CSMD2: variants seen among roughly 807,000 people sequenced by gnomAD.
The protein encoded by CSMD2 is CUB and Sushi multiple domains 2.
CSMD2 carries 130 observed loss-of-function variants against 398.5 expected under a neutral mutation model. The observed-to-expected ratio is 0.33, with a 90% CI of 0.28 to 0.38. CSMD2 has a LOEUF of 0.38. Ranked by LOEUF, CSMD2 falls within the 10% of genes least tolerant of loss-of-function variation. The pLI is 1.00. For synonymous variants in CSMD2, 1,828 were observed against 1,908.5 expected (o/e 0.96, Z 1.10); for missense variants, 3,829 against 4,764.9 (o/e 0.80, Z 5.78).
chr1:34,117,144 G>T (rs914783888), intron 1 of CSMD2, among the ~76,000 whole-genome samples: 1 of 151,818 alleles, frequency 6.6e-6, no homozygotes, highest in African/African-American at 2.4e-5. Context: ...AAAGATTAGA[G>T]CAAAAACAAA....
At chr1:33,542,937 T>C (rs369416750) in intron 57 of CSMD2, 41 bp from the exon 58 acceptor site, 9 of 1,572,992 alleles carry the variant, frequency 5.7e-6, no homozygotes, top group Admixed American at 1.7e-5. Flanking sequence ...AGAACAATGG[T>C]GGGTATCACC....
intron 3 of CSMD2, among the ~76,000 whole-genome samples, chr1:33,993,457 C>T (rs1051664429): frequency 3.3e-5 from 5 of 152,228 alleles, no homozygotes; most frequent in South Asian, 2.1e-4. Flanking sequence ...TGGGAGTCCT[C>T]GGACTTGTGT....
chr1:33,936,475 G>C (rs1644483462), intron 3 of CSMD2, among the ~76,000 whole-genome samples: 1 of 152,216 alleles, frequency 6.6e-6, no homozygotes, highest in Admixed American at 6.5e-5. Flanking sequence ...GAAAGGGTTG[G>C]ATTAGGCAGA....
intron 5 of CSMD2, 130 bp from the exon 6 acceptor site, chr1:33,847,126 C>A (rs893490865): frequency 1.7e-6 from 1 of 573,096 alleles, no homozygotes; most frequent in Non-Finnish European, 3.0e-6. Context: ...GAAGGGAAGG[C>A]GGTGTTGCCC....
chr1:34,123,623 C>A (rs568071217), intron 1 of CSMD2, among the ~76,000 whole-genome samples: 2 of 152,086 alleles, frequency 1.3e-5, no homozygotes, highest in South Asian at 4.2e-4. Context: ...GTCTCGGGAA[C>A]TGAGCCCCCA....
chr1:33,967,726 G>A (rs150179397), intron 3 of CSMD2, among the ~76,000 whole-genome samples: 18 of 152,288 alleles, frequency 1.2e-4, no homozygotes, highest in Admixed American at 3.9e-4. Context: ...GGCCTCACTC[G>A]GGGCAATGGG....
At chr1:33,894,184 T>A (rs1178209561) in intron 5 of CSMD2, among the ~76,000 whole-genome samples, 1 of 152,194 alleles carries the variant, frequency 6.6e-6, no homozygotes, top group Non-Finnish European at 1.5e-5. Context: ...AGGGTCACTT[T>A]TAGTGAGCTG....
At chr1:33,652,552 G>T (rs1643818274) in intron 27 of CSMD2, 91 bp from the exon 28 acceptor site, 6 of 1,464,068 alleles carry the variant, frequency 4.1e-6, no homozygotes, top group Non-Finnish European at 5.6e-6. Context: ...GAGAGGAGAG[G>T]CTGAGGCTGA....
intron 41 of CSMD2, chr1:33,605,917 A>G (rs1570916750): frequency 6.2e-7 from 1 of 1,613,980 alleles, no homozygotes; most frequent in Non-Finnish European, 8.5e-7. Flanking sequence ...GGAGGAGTTG[A>G]GTTGGTTCTT....
At chr1:34,154,886 C>A (rs995885773) in intron 1 of CSMD2, among the ~76,000 whole-genome samples, 3 of 152,104 alleles carry the variant, frequency 2.0e-5, no homozygotes, top group African/African-American at 7.2e-5. Context: ...CACCACCACG[C>A]CTGGCTAATT....
chr1:34,075,267 C>G (rs148859818), intron 2 of CSMD2, among the ~76,000 whole-genome samples: 1 of 152,370 alleles, frequency 6.6e-6, no homozygotes, highest in East Asian at 1.9e-4. Context: ...CTCCCAGCCT[C>G]CTTCTGCCCA....
At chr1:33,878,652 ACT>A (rs1462391830) in intron 5 of CSMD2, among the ~76,000 whole-genome samples, 1 of 152,174 alleles carries the variant, frequency 6.6e-6, no homozygotes, top group Non-Finnish European at 1.5e-5. Context: ...GGCTGGCCAA[ACT>A]CTCTGTGTCC....
At chr1:33,934,727 G>A (rs1644415813) in intron 4 of CSMD2, among the ~76,000 whole-genome samples, 1 of 151,880 alleles carries the variant, frequency 6.6e-6, no homozygotes, top group Admixed American at 6.6e-5. Context: ...CACGTATGGT[G>A]GCTTATGCCT....
intron 24 of CSMD2, among the ~76,000 whole-genome samples, chr1:33,694,008 G>A (rs1336450049): frequency 1.3e-5 from 2 of 152,008 alleles, no homozygotes; most frequent in East Asian, 1.9e-4. Flanking sequence ...GTGGTGAACC[G>A]AGATCGCACC....
At chr1:34,147,657 G>A (rs1639906534) in intron 1 of CSMD2, among the ~76,000 whole-genome samples, 2 of 151,828 alleles carry the variant, frequency 1.3e-5, no homozygotes, top group Non-Finnish European at 2.9e-5. Context: ...CAGTCAGGGA[G>A]GGGCTGTTTT....
chr1:34,016,353 G>A (rs1648113004), intron 3 of CSMD2, among the ~76,000 whole-genome samples: 2 of 151,084 alleles, frequency 1.3e-5, no homozygotes, highest in African/African-American at 4.9e-5. Context: ...GCCTCCCTGT[G>A]TCCATGTATT....
intron 5 of CSMD2, among the ~76,000 whole-genome samples, chr1:33,895,691 C>T (rs1404058221): frequency 6.6e-6 from 1 of 152,168 alleles, no homozygotes; most frequent in African/African-American, 2.4e-5. Flanking sequence ...TGGCAGGCTA[C>T]ACTGGCCGCC....
At chr1:33,761,125 C>T (rs1469369311) in intron 13 of CSMD2, among the ~76,000 whole-genome samples, 1 of 152,154 alleles carries the variant, frequency 6.6e-6, no homozygotes, top group Non-Finnish European at 1.5e-5. Context: ...CTGTCAGCTG[C>T]ATGGGGGTAC....
chr1:34,125,690 T>C (rs1558426844), intron 1 of CSMD2, among the ~76,000 whole-genome samples: 1 of 152,178 alleles, frequency 6.6e-6, no homozygotes, highest in African/African-American at 2.4e-5. Context: ...AATAAGAATG[T>C]CACATCCAAT....
Sources: gnomAD v4.1 joint callset for allele counts (sites outside exome capture counted in the v4.1 genomes callset) on GRCh38, gnomAD v4.1.1 for gene constraint, MANE v1.5 for transcripts, NCBI Gene and HGNC (gene_info 2026-07-23, HGNC 2026-07-21) for gene names.